The following ELMO1 variants were observed in gnomAD, a reference collection of about 807,000 sequenced individuals.
The protein encoded by ELMO1 is engulfment and cell motility protein 1.
ELMO1 carries 26 observed loss-of-function variants against 98.9 expected under a neutral mutation model. The ratio of observed to expected loss-of-function variants is 0.26; its 90% CI spans 0.19 to 0.36. The LOEUF is 0.36. Among genes scored for constraint, ELMO1 ranks in the 10% least tolerant of loss-of-function variants. The pLI is 1.00. For missense variants in ELMO1, 627 were observed against 935.2 expected, an observed-to-expected ratio of 0.67 and a Z score of 4.30; for synonymous variants, 346 against 346.0, an observed-to-expected ratio of 1.00 and a Z score of 0.00.
chr7:37,126,646 A>G (rs183464584), intron 14 of ELMO1, among the ~76,000 whole-genome samples: 4 of 152,358 alleles, frequency 2.6e-5, no homozygotes, highest in Non-Finnish European at 4.4e-5. Context: ...CCCAAAGGAA[A>G]CAAGGAAACT....
chr7:37,050,208 A>G (rs1429710319), intron 15 of ELMO1, among the ~76,000 whole-genome samples: 3 of 152,110 alleles, frequency 2.0e-5, no homozygotes, highest in Non-Finnish European at 4.4e-5. Flanking sequence ...CCTCCCAAGT[A>G]GCTGGGACAA....
At chr7:37,328,958 A>T (rs1033163596) in intron 2 of ELMO1, among the ~76,000 whole-genome samples, 1 of 152,184 alleles carries the variant, frequency 6.6e-6, no homozygotes, top group Non-Finnish European at 1.5e-5. Context: ...TCAACACTAC[A>T]TCTTCCCTCT....
At chr7:37,003,329 C>T (rs187730382) in intron 16 of ELMO1, among the ~76,000 whole-genome samples, 6 of 152,104 alleles carry the variant, frequency 3.9e-5, no homozygotes, top group Admixed American at 3.3e-4. Flanking sequence ...TTGAGATGAG[C>T]ATGGGCAACA....
intron 1 of ELMO1, among the ~76,000 whole-genome samples, chr7:37,391,337 G>A (rs900369536): frequency 2.0e-5 from 3 of 152,046 alleles, no homozygotes; most frequent in Non-Finnish European, 2.9e-5. Flanking sequence ...GGCTGGTCTC[G>A]AACTCCTGAC....
chr7:36,860,776 A>G (rs1481322483), intron 21 of ELMO1, among the ~76,000 whole-genome samples: 1 of 152,240 alleles, frequency 6.6e-6, no homozygotes, highest in Non-Finnish European at 1.5e-5. Context: ...ACACAGAATT[A>G]TATTTAAGCA....
At chr7:37,103,811 A>G (rs1324985844) in intron 14 of ELMO1, among the ~76,000 whole-genome samples, 1 of 151,544 alleles carries the variant, frequency 6.6e-6, no homozygotes, top group African/African-American at 2.4e-5. Flanking sequence ...CCTGGCTAAC[A>G]CAGTGAAATC....
intron 13 of ELMO1, among the ~76,000 whole-genome samples, chr7:37,146,455 T>C (rs1189613646): frequency 6.6e-6 from 1 of 152,112 alleles, no homozygotes; most frequent in East Asian, 1.9e-4. Context: ...CTGTACTAGG[T>C]GTTGGATTGG....
chr7:37,247,688 G>C (rs574931002), intron 6 of ELMO1, among the ~76,000 whole-genome samples: 2 of 152,268 alleles, frequency 1.3e-5, no homozygotes, highest in African/African-American at 4.8e-5. Context: ...AAGAAAAGGA[G>C]CGAGTGAAGA....
rs763139791 is a variant in ELMO1, at chr7:37,213,368, G to A, written c.921C>T (p.Asp307=). Residue 307 remains aspartate, a synonymous_variant, in exon 12 of 22, where the codon GAC becomes GAT. Transcript: ENST00000310758. ...LQVLTFNLLE[D]RMMTKMDPQD... ...GGGGGTCCATTTTGGTCATCATCCT[G>A]TCTTCCAGGAGGTTAAAGGTGAGCA... 6 of 1,612,954 alleles carry A rather than the reference G, an allele frequency of 3.7e-6. No individual in the cohort carries two copies. Among genetic ancestry groups the A allele is most frequent in the Non-Finnish European group, 5.1e-6 (6 of 1,179,708 alleles).
At chr7:37,158,746 C>T (rs1332393359) in intron 13 of ELMO1, among the ~76,000 whole-genome samples, 3 of 152,146 alleles carry the variant, frequency 2.0e-5, no homozygotes, top group African/African-American at 4.8e-5. Flanking sequence ...GACAGTGTGG[C>T]GATTCCTCAA....
chr7:37,412,715 G>A (rs947906293), intron 1 of ELMO1, among the ~76,000 whole-genome samples: 2 of 152,156 alleles, frequency 1.3e-5, no homozygotes, highest in African/African-American at 4.8e-5. Flanking sequence ...GAGTGTGTGG[G>A]AAGCTATGCT....
At chr7:37,034,953 G>A (rs1350394181) in intron 15 of ELMO1, among the ~76,000 whole-genome samples, 4 of 152,130 alleles carry the variant, frequency 2.6e-5, no homozygotes, top group Non-Finnish European at 5.9e-5. Context: ...GGTTGGAAGT[G>A]AGCAGCTTTA....
chr7:36,948,887 G>A (rs908440265), intron 16 of ELMO1, among the ~76,000 whole-genome samples: 1 of 152,112 alleles, frequency 6.6e-6, no homozygotes, highest in Non-Finnish European at 1.5e-5. Flanking sequence ...ATGGAGTCTC[G>A]CTCTGTCACT....
chr7:36,892,041 A>C (rs967903339), intron 17 of ELMO1, among the ~76,000 whole-genome samples: 1 of 152,256 alleles, frequency 6.6e-6, no homozygotes, highest in African/African-American at 2.4e-5. Flanking sequence ...TCAAGAGCTA[A>C]GAAATAAAAC....
chr7:36,902,443 G>A (rs1231671035), intron 16 of ELMO1, among the ~76,000 whole-genome samples: 2 of 152,238 alleles, frequency 1.3e-5, no homozygotes, highest in Non-Finnish European at 2.9e-5. Flanking sequence ...TGTGCTTAAT[G>A]TGGGCAGTGA....
intron 2 of ELMO1, among the ~76,000 whole-genome samples, chr7:37,326,565 A>AG (rs1379629321): frequency 3.9e-5 from 6 of 152,082 alleles, no homozygotes; most frequent in Admixed American, 2.6e-4. Flanking sequence ...AAAAAAAAAA[A>AG]AAAAAAAATG....
At chr7:37,328,383 CAA>C (rs10669717) in intron 2 of ELMO1, among the ~76,000 whole-genome samples, 19 of 64,854 alleles carry the variant, frequency 2.9e-4, no homozygotes, top group African/African-American at 1.2e-3. Flanking sequence ...GACCCTGCCA[CAA>C]AAAAAAAAAA....
chr7:37,253,843 A>C (rs1333270174), intron 6 of ELMO1, among the ~76,000 whole-genome samples: 1 of 152,200 alleles, frequency 6.6e-6, no homozygotes, highest in Non-Finnish European at 1.5e-5. Flanking sequence ...AATGTTTACG[A>C]AAATTTCCAC....
chr7:37,068,636 CTT>C (rs1029582956), intron 15 of ELMO1, among the ~76,000 whole-genome samples: 16 of 152,254 alleles, frequency 1.1e-4, no homozygotes, highest in Non-Finnish European at 1.8e-4. Context: ...ATGTCTCAGA[CTT>C]ATATAACTGA....
Sources: allele counts gnomAD v4.1 joint callset (sites outside exome capture counted in the v4.1 genomes callset), GRCh38; gene constraint gnomAD v4.1.1; transcripts MANE v1.5; gene names NCBI Gene and HGNC (gene_info 2026-07-23, HGNC 2026-07-21).